KDELR3: variants seen among roughly 807,000 people sequenced by gnomAD.
KDELR3 encodes the protein ER lumen protein-retaining receptor 3.
A neutral mutation model predicts 22.7 loss-of-function variants in KDELR3; 26 were observed. The observed-to-expected ratio is 1.15, with a 90% CI of 0.84 to 1.59. KDELR3 has a LOEUF of 1.59. Among genes scored for constraint, KDELR3 ranks in the 40% most tolerant of loss-of-function variants. The pLI is 0.00. For missense variants in KDELR3, 289 were observed against 251.1 expected, an observed-to-expected ratio of 1.15 and a Z score of -1.02; for synonymous variants, 120 against 98.2, an observed-to-expected ratio of 1.22 and a Z score of -1.31.
In KDELR3 at chr22:38,468,138, C is replaced by G. The variant is rs1436498860; in HGVS notation, c.-96C>G. On this transcript the variant is annotated 5_prime_UTR_variant, in exon 1 of 5. Transcript: ENST00000216014. ...AGGCGCAGGCAGGGCTCTGGGGCAC[C>G]TAGAGACCGGGGCCGGAGACGTGGC... 2 of 1,103,052 alleles carry G rather than the reference C, an allele frequency of 1.8e-6. No individual in the cohort carries two copies. The highest frequency in any genetic ancestry group is 2.7e-6 in the Non-Finnish European group (2 of 736,888). The allele number at this position is 1,103,052 out of a possible 1,614,324, so 68.3% of individuals were successfully genotyped here. A position where few individuals can be genotyped will look rare whatever the true frequency, so the allele number is the denominator to read the frequency against.
intron 2 of KDELR3, among the ~76,000 whole-genome samples, chr22:38,478,115 G>C (rs1413927193): frequency 1.3e-5 from 2 of 150,838 alleles, no homozygotes; most frequent in Admixed American, 1.3e-4. Flanking sequence ...TATGGCGACA[G>C]AATGTGTGCC....
chr22:38,474,349 G>GA, intron 1 of KDELR3, 174 bp from the exon 2 acceptor site: 1 of 569,104 alleles, frequency 1.8e-6, no homozygotes. Context: ...CAAGTGATCC[G>GA]ATGGGAAGGG....
intron 1 of KDELR3, among the ~76,000 whole-genome samples, chr22:38,468,834 C>T (rs1251802630): frequency 6.6e-6 from 1 of 152,158 alleles, no homozygotes; most frequent in African/African-American, 2.4e-5. Context: ...CGGGCTCAGG[C>T]GGGTATGGAG....
intron 2 of KDELR3, 32 bp downstream of exon 2, chr22:38,474,655 G>T: frequency 6.5e-7 from 1 of 1,543,686 alleles, no homozygotes. Flanking sequence ...GTTGGGGGAA[G>T]CCACCAAGCC....
In KDELR3 at chr22:38,479,639, G is replaced by A. The variant is rs1322996549; in HGVS notation, c.239G>A (p.Gly80Glu). Residue 80 changes from glycine (G) to glutamate (E), a missense_variant, in exon 3 of 5, where the codon GGG becomes GAG. Physicochemically the swap from Gly to Glu is moderately conservative, Grantham distance 98 (BLOSUM62 -2). Transcript: ENST00000216014. ...CAYVTVYMIY[G>E]KFRKTFDSEN... ...TATGTTACAGTGTACATGATATATG[G>A]GAAATTCCGTAAAACTTTTGACAGT... The A allele has an allele frequency of 2.5e-6, 4 of 1,613,980 alleles. No homozygotes were observed. The highest frequency in any genetic ancestry group is 1.6e-4 in the Middle Eastern group (1 of 6,062).
In KDELR3 at chr22:38,482,818, A is replaced by C; in HGVS notation, c.*282A>C. On this transcript the variant is annotated 3_prime_UTR_variant, in exon 5 of 5. Transcript: ENST00000216014. Reference sequence around the variant, plus strand: ...AGGTGTCTTACCGACGAAATAAAAAACATAAATGATTGTTCTCCAAGGCCT... The same window carrying C: ...AGGTGTCTTACCGACGAAATAAAAACCATAAATGATTGTTCTCCAAGGCCT... 1 of 439,054 alleles carries C rather than the reference A, an allele frequency of 2.3e-6. No individual in the cohort carries two copies. The highest frequency in any genetic ancestry group is 4.0e-6 in the Non-Finnish European group (1 of 247,204). 27.2% of individuals were successfully genotyped at this position (439,054 alleles called of 1,614,324 possible). A position where few individuals can be genotyped will look rare whatever the true frequency, so the allele number is the denominator to read the frequency against.
intron 1 of KDELR3, among the ~76,000 whole-genome samples, chr22:38,470,126 CTT>C (rs1156916332): frequency 2.0e-4 from 24 of 120,422 alleles, no homozygotes; most frequent in East Asian, 2.4e-4. Context: ...GCGCCCACTT[CTT>C]TTTTTTTTTT....
chr22:38,479,047 TAGG>T (rs2089580141), intron 2 of KDELR3, among the ~76,000 whole-genome samples: 1 of 152,042 alleles, frequency 6.6e-6, no homozygotes, highest in Non-Finnish European at 1.5e-5. Context: ...CTACTGTGAT[TAGG>T]AGAGCTTTTC....
At chr22:38,481,591 G>C (rs1284269527) in intron 4 of KDELR3, 127 bp downstream of exon 4, 4 of 1,527,014 alleles carry the variant, frequency 2.6e-6, no homozygotes, top group African/African-American at 1.4e-5. Flanking sequence ...GTGTTCTAAT[G>C]CAAGAAGACA....
At chr22:38,474,018 C>T (rs2089541556) in intron 1 of KDELR3, among the ~76,000 whole-genome samples, 1 of 152,044 alleles carries the variant, frequency 6.6e-6, no homozygotes, top group Non-Finnish European at 1.5e-5. Flanking sequence ...TTAAATCTTA[C>T]AGTTTGAAAA....
chr22:38,480,405 A>G (rs928205971), intron 3 of KDELR3, among the ~76,000 whole-genome samples: 2 of 152,058 alleles, frequency 1.3e-5, no homozygotes, highest in Admixed American at 6.6e-5. Context: ...CGGCCTCCCA[A>G]AGTTCTCGGA....
At chr22:38,471,424 T>C (rs1208736101) in intron 1 of KDELR3, among the ~76,000 whole-genome samples, 1 of 152,116 alleles carries the variant, frequency 6.6e-6, no homozygotes, top group Non-Finnish European at 1.5e-5. Context: ...CCTCCCCCAG[T>C]GGGGTTCATT....
intron 4 of KDELR3, 33 bp downstream of exon 4, chr22:38,481,497 G>A: frequency 6.2e-7 from 1 of 1,613,602 alleles, no homozygotes; most frequent in Non-Finnish European, 8.5e-7. Flanking sequence ...TGCTGACACT[G>A]GCCTAAGGAG....
At chr22:38,474,450 C>G in intron 1 of KDELR3, 73 bp from the exon 2 acceptor site, 2 of 1,205,830 alleles carry the variant, frequency 1.7e-6, no homozygotes, top group Non-Finnish European at 2.5e-6. Context: ...CAGCTCCAGG[C>G]TGTGCACCTC....
chr22:38,468,463 A>G, intron 1 of KDELR3, 139 bp downstream of exon 1: 1 of 638,786 alleles, frequency 1.6e-6, no homozygotes, highest in Non-Finnish European at 2.7e-6. Flanking sequence ...GCGGAGCTCC[A>G]CTTCCAAAAA....
rs1602655101 is a variant in KDELR3, at chr22:38,468,443, T to C, written c.91+119T>C. On this transcript the variant is annotated intron_variant, in intron 1 of 4. Transcript: ENST00000216014. ...GGTGGGGACTCCGGCGTGGGGGTCCTTGAAACTTTGCGGAGCTCCACTTCC... is the reference window on the plus strand; with the variant it reads ...GGTGGGGACTCCGGCGTGGGGGTCCCTGAAACTTTGCGGAGCTCCACTTCC... 4.0e-6 allele frequency: 3 copies of C among 751,512 alleles called. No individual in the cohort carries two copies. The East Asian group carries it at 7.9e-5, about 20-fold the overall frequency. The allele number at this position is 751,512 out of a possible 1,614,324, so 46.6% of individuals were successfully genotyped here.
intron 1 of KDELR3, among the ~76,000 whole-genome samples, chr22:38,471,870 A>AG (rs776876185): frequency 4.3e-5 from 6 of 140,940 alleles, no homozygotes; most frequent in South Asian, 2.1e-4. Flanking sequence ...AGGCTAAGGT[A>AG]GGGGGGTCAT....
At chr22:38,473,489 CCTT>C (rs1310599694) in intron 1 of KDELR3, among the ~76,000 whole-genome samples, 4 of 151,916 alleles carry the variant, frequency 2.6e-5, no homozygotes, top group Non-Finnish European at 5.9e-5. Context: ...GAGTATGAAC[CCTT>C]TTTTGTCAAC....
Position 38,468,283 on chromosome 22 carries a change from T to C in KDELR3, c.50T>C (p.Ile17Thr), listed in dbSNP as rs1384863206. 4 of 1,613,752 alleles carry C rather than the reference T, an allele frequency of 2.5e-6. No homozygotes were observed. The African/African-American group carries it at 4.0e-5, about 16-fold the overall frequency. The change falls in exon 1 of 5, where the codon ATC (isoleucine) becomes ACC (threonine). Residue 17 changes from isoleucine to threonine, a missense_variant. Physicochemically the swap from Ile to Thr is moderately conservative, Grantham distance 89 (BLOSUM62 -1). Transcript: ENST00000216014. ...LGDLSHLLAM[I>T]LLLGKIWRSK... ...GACCTGAGCCACCTCCTGGCCATGA[T>C]CTTGCTGCTGGGGAAGATCTGGAGG...
Sources: gnomAD v4.1 joint callset for allele counts (sites outside exome capture counted in the v4.1 genomes callset) on GRCh38, gnomAD v4.1.1 for gene constraint, MANE v1.5 for transcripts, NCBI Gene and HGNC (gene_info 2026-07-23, HGNC 2026-07-21) for gene names.